Variants in SETBP1 observed in about 807,000 individuals in gnomAD.
The protein encoded by SETBP1 is SET binding protein 1.
A neutral mutation model predicts 101.0 loss-of-function variants in SETBP1; 9 were observed. The ratio of observed to expected loss-of-function variants is 0.09; its 90% CI spans 0.05 to 0.16. The LOEUF (loss-of-function observed/expected upper bound fraction) is 0.16, where lower values mean the gene tolerates loss of function less well. SETBP1 is among the 10% of genes least tolerant of loss of function. The pLI is 1.00. For synonymous variants in SETBP1, 818 were observed against 788.5 expected (o/e 1.04, Z -0.63); for missense variants, 1,858 against 2,033.8 (o/e 0.91, Z 1.66).
chr18:45,000,790 C>CA (rs2072600482), intron 4 of SETBP1, among the ~76,000 whole-genome samples: 1 of 49,768 alleles, frequency 2.0e-5, no homozygotes, highest in Non-Finnish European at 3.8e-5. Context: ...CGGGAATGCA[C>CA]ACAACACACA....
At chr18:44,748,929 G>T (rs1252545442) in intron 2 of SETBP1, among the ~76,000 whole-genome samples, 1 of 152,162 alleles carries the variant, frequency 6.6e-6, no homozygotes, top group Non-Finnish European at 1.5e-5. Flanking sequence ...TCTCCCAGGG[G>T]CTGCTGCAGA....
chr18:44,981,635 CCT>C (rs2072114916), intron 4 of SETBP1, among the ~76,000 whole-genome samples: 1 of 152,132 alleles, frequency 6.6e-6, no homozygotes. Context: ...ACATCTTTGC[CCT>C]GAGACTACTG....
intron 2 of SETBP1, among the ~76,000 whole-genome samples, chr18:44,758,677 C>T (rs368615427): frequency 8.5e-5 from 13 of 152,320 alleles, no homozygotes; most frequent in Admixed American, 4.6e-4. Flanking sequence ...CCACCACGCC[C>T]GGCCTGAAAG....
intron 3 of SETBP1, among the ~76,000 whole-genome samples, chr18:44,934,920 A>G (rs1168438485): frequency 2.0e-5 from 3 of 152,206 alleles, no homozygotes; most frequent in African/African-American, 7.2e-5. Flanking sequence ...GGAATCCTAG[A>G]GAAAGTTCAG....
intron 2 of SETBP1, among the ~76,000 whole-genome samples, chr18:44,832,433 C>T (rs917970335): frequency 6.6e-6 from 1 of 152,228 alleles, no homozygotes; most frequent in East Asian, 1.9e-4. Context: ...GGCTCTCTGA[C>T]CACTGTCTCA....
At chr18:44,849,601 G>T (rs921913679) in intron 2 of SETBP1, among the ~76,000 whole-genome samples, 1 of 152,060 alleles carries the variant, frequency 6.6e-6, no homozygotes, top group Non-Finnish European at 1.5e-5. Context: ...CATCCGTGAC[G>T]CCCTCTCTGA....
chr18:45,051,594 A>C (rs1240496010), intron 5 of SETBP1, among the ~76,000 whole-genome samples: 3 of 152,132 alleles, frequency 2.0e-5, no homozygotes, highest in Non-Finnish European at 2.9e-5. Flanking sequence ...CTATTCAAAA[A>C]CAACAAAAAA....
intron 3 of SETBP1, among the ~76,000 whole-genome samples, chr18:44,898,224 T>C (rs112618682): frequency 1.3e-5 from 2 of 152,326 alleles, no homozygotes; most frequent in African/African-American, 4.8e-5. Flanking sequence ...TATATATTTA[T>C]AACTCATGAC....
chr18:45,025,642 T>A (rs1455708202), intron 4 of SETBP1, among the ~76,000 whole-genome samples: 1 of 152,182 alleles, frequency 6.6e-6, no homozygotes, highest in Non-Finnish European at 1.5e-5. Flanking sequence ...AGTAGGTGGT[T>A]TGAAGAAAGG....
intron 3 of SETBP1, among the ~76,000 whole-genome samples, chr18:44,887,321 T>C (rs1416107804): frequency 1.3e-5 from 2 of 152,138 alleles, no homozygotes; most frequent in Non-Finnish European, 2.9e-5. Context: ...CTGAGCACTA[T>C]GCATTTGGAG....
intron 2 of SETBP1, among the ~76,000 whole-genome samples, chr18:44,838,833 G>GC (rs11436261): frequency 0.16 from 24,880 of 151,920 alleles, 2,074 homozygotes; most frequent in East Asian, 0.19. Context: ...GACCCCCTCA[G>GC]CCCCACCCCA....
chr18:44,861,059 A>C (rs1031287374), intron 2 of SETBP1, among the ~76,000 whole-genome samples: 1 of 152,114 alleles, frequency 6.6e-6, no homozygotes, highest in Non-Finnish European at 1.5e-5. Context: ...AGTCCAATAC[A>C]ATATACCAGT....
chr18:44,704,122 TG>T (rs1265207387), intron 2 of SETBP1, among the ~76,000 whole-genome samples: 2 of 152,184 alleles, frequency 1.3e-5, no homozygotes, highest in African/African-American at 2.4e-5. Flanking sequence ...AGCCACTGAT[TG>T]TTCCCAAATA....
chr18:44,766,968 G>T lies in SETBP1; in HGVS notation c.486+65136G>T, dbSNP rs147581939. Among the ~76,000 whole-genome samples the T allele has an allele frequency of 7.8e-3, 1,181 of 152,326 alleles. 6 individuals are homozygous for T. Among genetic ancestry groups the T allele is most frequent in the Non-Finnish European group, 0.012 (820 of 68,038 alleles). On this transcript the variant is annotated intron_variant, in intron 2 of 5. Coordinates refer to ENST00000649279, the MANE Select transcript of SETBP1 (RefSeq NM_015559.3). ...TGGGGAATAAAGTGATGAGATCACT[G>T]GAGGGCAATCTGTAAGACCCCATGA... is the stretch of plus-strand genomic sequence containing the variant.
chr18:44,934,052 G>A lies in SETBP1; in HGVS notation c.541-15829G>A, dbSNP rs972308235. Among the ~76,000 whole-genome samples the A allele has an allele frequency of 3.3e-5, 5 of 152,084 alleles. No homozygotes were observed. The South Asian group carries it at 6.2e-4, about 19-fold the overall frequency. Reference sequence around the variant, plus strand: ...CTATAGAATGGAGCTGTTCCTATTCGGCCATCTTGGAACCTCCTGTGATAA... The same window carrying A: ...CTATAGAATGGAGCTGTTCCTATTCAGCCATCTTGGAACCTCCTGTGATAA... On this transcript the variant is annotated intron_variant, in intron 3 of 5. Coordinates refer to ENST00000649279, the MANE Select transcript of SETBP1 (RefSeq NM_015559.3).
chr18:45,027,424 A>G (rs2073189647), intron 4 of SETBP1, among the ~76,000 whole-genome samples: 1 of 152,174 alleles, frequency 6.6e-6, no homozygotes, highest in South Asian at 2.1e-4. Context: ...ATGTCTCATG[A>G]TTTCAGTCTC....
At chr18:44,754,001 C>A (rs1157214012) in intron 2 of SETBP1, among the ~76,000 whole-genome samples, 2 of 152,184 alleles carry the variant, frequency 1.3e-5, no homozygotes, top group Non-Finnish European at 2.9e-5. Flanking sequence ...AAAGTTATTT[C>A]TAATATTGCA....
intron 4 of SETBP1, among the ~76,000 whole-genome samples, chr18:45,017,953 C>G (rs959331463): frequency 3.3e-5 from 5 of 152,164 alleles, no homozygotes; most frequent in African/African-American, 1.2e-4. Flanking sequence ...GTAAGAGGAC[C>G]AGGGTGCAGA....
At chr18:45,014,530 G>T (rs1203079320) in intron 4 of SETBP1, among the ~76,000 whole-genome samples, 1 of 152,202 alleles carries the variant, frequency 6.6e-6, no homozygotes, top group Non-Finnish European at 1.5e-5. Context: ...TGTTTAACTG[G>T]GAAAGTGCTC....
Sources: gnomAD v4.1 joint callset for allele counts (sites outside exome capture counted in the v4.1 genomes callset) on GRCh38, gnomAD v4.1.1 for gene constraint, MANE v1.5 for transcripts, NCBI Gene and HGNC (gene_info 2026-07-23, HGNC 2026-07-21) for gene names.